Variants in PDCD1 observed in about 807,000 individuals in gnomAD.
PDCD1 encodes programmed cell death protein 1.
Under a neutral mutation model 23.6 loss-of-function variants are expected in PDCD1, and 10 were observed. That is an observed-to-expected ratio of 0.42 (90% CI 0.26 to 0.72). The LOEUF is 0.72. Among genes scored for constraint, PDCD1 ranks in the 30% least tolerant of loss-of-function variants. PDCD1 has a pLI of 0.24. For synonymous variants in PDCD1, 168 were observed against 169.3 expected (o/e 0.99, Z 0.06); for missense variants, 313 against 397.8 (o/e 0.79, Z 1.81).
intron 1 of PDCD1, among the ~76,000 whole-genome samples, chr2:241,856,856 G>A (rs530109940): frequency 6.6e-6 from 1 of 152,304 alleles, no homozygotes; most frequent in African/African-American, 2.4e-5. Flanking sequence ...GCTGGGCTGG[G>A]TAGTTTTCAC....
intron 1 of PDCD1, among the ~76,000 whole-genome samples, chr2:241,856,003 G>A (rs576704399): frequency 1.0e-3 from 154 of 152,336 alleles, no homozygotes; most frequent in African/African-American, 3.5e-3. Context: ...AGGGCACAGG[G>A]CTGGGTGGCC....
Position 241,850,432 on chromosome 2 carries a change from A to C in PDCD1, c.*626T>G. The C allele has an allele frequency of 4.1e-6, 1 of 242,538 alleles. No homozygotes were observed. Among genetic ancestry groups the C allele is most frequent in the Non-Finnish European group, 8.1e-6 (1 of 124,070 alleles). 15.0% of individuals were successfully genotyped at this position (242,538 alleles called of 1,614,324 possible). A position where few individuals can be genotyped will look rare whatever the true frequency, so the allele number is the denominator to read the frequency against. ...AAAGGGCCTGAGGTGCTGCCTGGGC[A>C]TGTGTAAAGGTGGAGGGGTTTCCTG... On this transcript the variant is annotated 3_prime_UTR_variant, in exon 5 of 5. Transcript: ENST00000334409.
Position 241,852,761 on chromosome 2 carries a change from T to C in PDCD1, c.296A>G (p.Gln99Arg), listed in dbSNP as rs1206650398. Residue 99 changes from glutamine (Q) to arginine (R), a missense_variant, in exon 2 of 5, where the codon CAA becomes CGA. Transcript: ENST00000334409. Reference protein sequence around the residue: ...PGQDCRFRVTQLPNGRDFHMS... With the variant: ...PGQDCRFRVTRLPNGRDFHMS... ...GTGGAAGTCACGCCCGTTGGGCAGT[T>C]GTGTGACACGGAAGCGGCAGTCCTG... 6.2e-7 allele frequency: 1 copy of C among 1,614,004 alleles called. No individual in the cohort carries two copies. The highest frequency in any genetic ancestry group is 8.5e-7 in the Non-Finnish European group (1 of 1,180,014).
Position 241,850,219 on chromosome 2 carries a change from C to T in PDCD1, c.*839G>A. ...TTCTGCCCTCCCAACACCCAGGTGGCCACAGCTGGGAGGGGCCTGAGTCAA... is the reference window on the plus strand; with the variant it reads ...TTCTGCCCTCCCAACACCCAGGTGGTCACAGCTGGGAGGGGCCTGAGTCAA... On this transcript the variant is annotated 3_prime_UTR_variant, in exon 5 of 5. Coordinates refer to ENST00000334409, the MANE Select transcript of PDCD1 (RefSeq NM_005018.3). The T allele has an allele frequency of 4.3e-6, 1 of 233,162 alleles. No individual in the cohort carries two copies. Among genetic ancestry groups the T allele is most frequent in the Non-Finnish European group, 8.5e-6 (1 of 117,990 alleles). 14.4% of individuals were successfully genotyped at this position (233,162 alleles called of 1,614,324 possible).
At chr2:241,854,832 G>A (rs1700987577) in intron 1 of PDCD1, among the ~76,000 whole-genome samples, 1 of 152,224 alleles carries the variant, frequency 6.6e-6, no homozygotes. Flanking sequence ...ACTGTGAGCA[G>A]GGACCCTGCA....
intron 1 of PDCD1, among the ~76,000 whole-genome samples, chr2:241,854,767 T>C (rs1035449237): frequency 2.0e-5 from 3 of 152,166 alleles, no homozygotes; most frequent in African/African-American, 4.8e-5. Flanking sequence ...AGGCCAGGGC[T>C]GCCATGCAGC....
chr2:241,853,704 G>A (rs1700956183), intron 1 of PDCD1, among the ~76,000 whole-genome samples: 2 of 152,266 alleles, frequency 1.3e-5, no homozygotes, highest in South Asian at 2.1e-4. Context: ...TGGGATACCC[G>A]CATGGCAACG....
chr2:241,852,039 G>T (rs55829775), intron 3 of PDCD1, 56 bp from the exon 4 acceptor site: 89 of 1,569,782 alleles, frequency 5.7e-5, no homozygotes, highest in Middle Eastern at 3.4e-4. Flanking sequence ...GCTCCTAGGT[G>T]GGGGGTCTTA....
rs778832803 is a variant in PDCD1 at position 241,852,602 on chromosome 2, G to C, written c.436+19C>G. On this transcript the variant is annotated intron_variant, in intron 2 of 4. Transcript: ENST00000334409. ...GACCGGCTCAGCTCACCCCTGCCCC[G>C]GGGCCTCCGAGGCCGCACCTGTCAC... 3 of 1,603,704 alleles carry C rather than the reference G, an allele frequency of 1.9e-6. No homozygotes were observed. The highest frequency in any genetic ancestry group is 8.5e-7 in the Non-Finnish European group (1 of 1,175,942).
At chr2:241,851,926 T>C in intron 4 of PDCD1, 23 bp downstream of exon 4, 1 of 1,612,428 alleles carries the variant, frequency 6.2e-7, no homozygotes, top group Non-Finnish European at 8.5e-7. Flanking sequence ...CAGTGGATCA[T>C]GCAGGAAAAG....
Position 241,850,870 on chromosome 2 carries a change from T to C in PDCD1, c.*188A>G. 1.4e-6 allele frequency: 1 copy of C among 696,816 alleles called. No individual in the cohort carries two copies. Among genetic ancestry groups the C allele is most frequent in the Non-Finnish European group, 2.4e-6 (1 of 419,084 alleles). The allele number at this position is 696,816 out of a possible 1,614,324, so 43.2% of individuals were successfully genotyped here. A position where few individuals can be genotyped will look rare whatever the true frequency, so the allele number is the denominator to read the frequency against. ...CTGCTGCCTGGGCTCACTGTGGGCATTGAGACATGAGTCCTGTGGTGGGGC... is the reference window on the plus strand; with the variant it reads ...CTGCTGCCTGGGCTCACTGTGGGCACTGAGACATGAGTCCTGTGGTGGGGC... On this transcript the variant is annotated 3_prime_UTR_variant, in exon 5 of 5. Coordinates refer to ENST00000334409, the MANE Select transcript of PDCD1 (RefSeq NM_005018.3).
At position 241,858,885 on chromosome 2, in the gene PDCD1, G is replaced by A; in HGVS notation, c.-47C>T. 2.0e-6 allele frequency: 3 copies of A among 1,488,574 alleles called. No individual in the cohort carries two copies. The highest frequency in any genetic ancestry group is 1.2e-5 in the South Asian group (1 of 82,850). 92.2% of individuals were successfully genotyped at this position (1,488,574 alleles called of 1,614,324 possible). ...GTGCCGCCTTCTCCACTGCTCAGGC[G>A]GAGGTGAGCGGAAGGGAAACTGTCC... On this transcript the variant is annotated 5_prime_UTR_variant, in exon 1 of 5. Coordinates refer to ENST00000334409, the MANE Select transcript of PDCD1 (RefSeq NM_005018.3).
Position 241,852,217 on chromosome 2 carries a change from G to C in PDCD1, c.573C>G (p.Ile191Met). ...CGTTACCTCGTGCGGCCCGGGAGCA[G>C]ATGACGGCCAGGACCCAGACTAGCA... ...LVLLVWVLAV[I>M]CSRAARGTIG... Residue 191 changes from isoleucine (I) to methionine (M), a missense_variant, in exon 3 of 5, where the codon ATC (isoleucine) becomes ATG (methionine). Physicochemically the swap from Ile to Met is conservative, Grantham distance 10 (BLOSUM62 1). Around this residue, in one of 3 missense-constraint regions of PDCD1, gnomAD observed 158 missense variants for 177.5 expected, o/e 0.89. Coordinates refer to ENST00000334409, the MANE Select transcript of PDCD1 (RefSeq NM_005018.3). 1 of 1,610,314 alleles carries C rather than the reference G, an allele frequency of 6.2e-7. No homozygotes were observed. Among genetic ancestry groups the C allele is most frequent in the South Asian group, 1.1e-5 (1 of 90,594 alleles).
intron 1 of PDCD1, 46 bp from the exon 2 acceptor site, chr2:241,853,026 A>G (rs2124862078): frequency 2.0e-6 from 3 of 1,520,630 alleles, no homozygotes; most frequent in Non-Finnish European, 2.6e-6. Flanking sequence ...GGCCCCACAA[A>G]GCCTCCCCGG....
intron 1 of PDCD1, among the ~76,000 whole-genome samples, chr2:241,853,610 C>T (rs761004717): frequency 6.6e-6 from 1 of 152,252 alleles, no homozygotes; most frequent in African/African-American, 2.4e-5. Flanking sequence ...GCCATTGACT[C>T]GGATGTGGAC....
rs1342073383 is a variant in PDCD1 at position 241,851,161 on chromosome 2, C to T, written c.764G>A (p.Ser255Asn). 1 of 1,613,532 alleles carries T rather than the reference C, an allele frequency of 6.2e-7. No individual in the cohort carries two copies. Residue 255 changes from serine (S) to asparagine (N), a missense_variant, in exon 5 of 5, where the codon AGC (serine) becomes AAC (asparagine). Transcript: ENST00000334409. ...GGCGGGGGATGAGGTGCCCATTCCG[C>T]TAGGAAAGACAATGGTGGCATACTC... ...QTEYATIVFP[S>N]GMGTSSPARR... is the part of the protein sequence containing the mutation.
Position 241,858,879 on chromosome 2 carries a change from T to C in PDCD1, c.-41A>G. The C allele has an allele frequency of 6.6e-7, 1 of 1,515,402 alleles. No homozygotes were observed. Among genetic ancestry groups the C allele is most frequent in the East Asian group, 2.4e-5 (1 of 41,132 alleles). 93.9% of individuals were successfully genotyped at this position (1,515,402 alleles called of 1,614,324 possible). On this transcript the variant is annotated 5_prime_UTR_variant, in exon 1 of 5. Transcript: ENST00000334409. ...ACCAGAGTGCCGCCTTCTCCACTGC[T>C]CAGGCGGAGGTGAGCGGAAGGGAAA...
At position 241,852,393 on chromosome 2, in the gene PDCD1, G is replaced by T. The variant is rs1209097542; in HGVS notation, c.437-40C>A. 10 of 1,405,598 alleles carry T rather than the reference G, an allele frequency of 7.1e-6. No individual in the cohort carries two copies. In the South Asian group the frequency reaches 1.2e-4, roughly 17 times the overall value. 87.1% of individuals were successfully genotyped at this position (1,405,598 alleles called of 1,614,324 possible). A position where few individuals can be genotyped will look rare whatever the true frequency, so the allele number is the denominator to read the frequency against. On this transcript the variant is annotated intron_variant, in intron 2 of 4. Transcript: ENST00000334409. ...AGGTCAGGGGTTAGGACGGGGTCAG[G>T]GTGGAGGGTCAGGGTCAGGGGTGAG...
In PDCD1 at chr2:241,855,627, C is replaced by T. The variant is rs547112499; in HGVS notation, c.77-2647G>A. Reference sequence around the variant, plus strand: ...TGTGAGGTGGCGGTGGGGGTGCTCCCGCAGAGAGACCGCATTACAGGACAT... The same window carrying T: ...TGTGAGGTGGCGGTGGGGGTGCTCCTGCAGAGAGACCGCATTACAGGACAT... On this transcript the variant is annotated intron_variant, in intron 1 of 4. Transcript: ENST00000334409. 1.2e-4 allele frequency among the ~76,000 whole-genome samples: 19 copies of T among 152,292 alleles called. No homozygotes were observed. The East Asian group carries it at 2.1e-3, about 17-fold the overall frequency.
Sources: allele counts gnomAD v4.1 joint callset (sites outside exome capture counted in the v4.1 genomes callset), GRCh38; gene constraint gnomAD v4.1.1; regional missense constraint gnomAD v4.1.1; transcripts MANE v1.5; gene names NCBI Gene and HGNC (gene_info 2026-07-23, HGNC 2026-07-21).